The following FER variants were observed in gnomAD, a reference collection of about 807,000 sequenced individuals.
The protein encoded by FER is FER tyrosine kinase.
Under a neutral mutation model 111.0 loss-of-function variants are expected in FER, and 63 were observed. That is an observed-to-expected ratio of 0.57 (90% CI 0.46 to 0.70). The LOEUF is 0.70. Ranked by LOEUF, FER falls within the 30% of genes least tolerant of loss-of-function variation. FER has a pLI of 0.00. For missense variants in FER, 914 were observed against 954.0 expected (o/e 0.96, Z 0.55); for synonymous variants, 327 against 313.9 (o/e 1.04, Z -0.44).
At position 109,155,096 on chromosome 5, in the gene FER, A is replaced by G. The variant is rs138329079; in HGVS notation, c.2049-25651A>G. On this transcript the variant is annotated intron_variant, in intron 17 of 19. Coordinates refer to ENST00000281092, the MANE Select transcript of FER (RefSeq NM_005246.4). ...GAAGCTTTTTACTCCCTAGTTCAAA[A>G]GTAACATGTCACACATTCATATTCT... Among the ~76,000 whole-genome samples the G allele has an allele frequency of 1.9e-3, 283 of 152,036 alleles. 1 individual carries two copies. Among genetic ancestry groups the G allele is most frequent in the African/African-American group, 6.4e-3 (265 of 41,558 alleles).
rs551407618 is a variant in FER at position 109,139,276 on chromosome 5, C to T, written c.2048+38757C>T. Among the ~76,000 whole-genome samples, 193 of 152,034 alleles carry T rather than the reference C, an allele frequency of 1.3e-3. No homozygotes were observed. The Middle Eastern group carries it at 0.014, about 11-fold the overall frequency. On this transcript the variant is annotated intron_variant, in intron 17 of 19. Coordinates refer to ENST00000281092, the MANE Select transcript of FER (RefSeq NM_005246.4). The stretch of plus-strand genomic sequence containing the variant: ...TCCTGAGTCTGTCTTGCTGTCAACC[C>T]TGCAGAAGATTCCCACCCCCACCCT...
At chr5:108,936,584 C>T (rs961344028) in intron 10 of FER, among the ~76,000 whole-genome samples, 2 of 151,908 alleles carry the variant, frequency 1.3e-5, no homozygotes, top group African/African-American at 2.4e-5. Flanking sequence ...CAGACTAGAG[C>T]CTATTACATA....
At chr5:109,135,144 G>A (rs1752755007) in intron 17 of FER, among the ~76,000 whole-genome samples, 1 of 152,184 alleles carries the variant, frequency 6.6e-6, no homozygotes, top group African/African-American at 2.4e-5. Context: ...GGAACACAAA[G>A]TCAAGACAGG....
chr5:108,960,983 G>T (rs1759073925), intron 13 of FER, among the ~76,000 whole-genome samples: 1 of 152,162 alleles, frequency 6.6e-6, no homozygotes, highest in African/African-American at 2.4e-5. Context: ...AGCTACTTGG[G>T]GGGCTGAGAT....
At chr5:109,083,960 G>A (rs1777278770) in intron 16 of FER, among the ~76,000 whole-genome samples, 1 of 151,916 alleles carries the variant, frequency 6.6e-6, no homozygotes, top group African/African-American at 2.4e-5. Flanking sequence ...AAAATAATAG[G>A]CTAGCTTATT....
chr5:109,082,353 A>G (rs745848877), intron 16 of FER, among the ~76,000 whole-genome samples: 7 of 152,010 alleles, frequency 4.6e-5, no homozygotes, highest in African/African-American at 1.7e-4. Flanking sequence ...TCACCTGACA[A>G]ATGTCAAATG....
chr5:108,844,992 GTGTGTATATATA>G (rs1222668634), intron 5 of FER, among the ~76,000 whole-genome samples: 335 of 38,086 alleles, frequency 8.8e-3, no homozygotes, highest in South Asian at 0.014. Context: ...TGGTGTGTGT[GTGTGTATATATA>G]TATATATATA....
intron 16 of FER, among the ~76,000 whole-genome samples, chr5:109,065,467 G>T (rs1402215481): frequency 1.3e-5 from 2 of 152,076 alleles, no homozygotes; most frequent in East Asian, 3.8e-4. Flanking sequence ...CTTTTTAATT[G>T]TAAGTTAGCC....
In FER at chr5:109,192,142, G is replaced by A. The variant is rs1205799625; in HGVS notation, c.*4567G>A. Reference sequence around the variant, plus strand: ...AAAATCCTGGTGTGCTAGATTCTTAGTCACTTTAAACTGCATAGAAGTAAT... The same window carrying A: ...AAAATCCTGGTGTGCTAGATTCTTAATCACTTTAAACTGCATAGAAGTAAT... On this transcript the variant is annotated 3_prime_UTR_variant, in exon 20 of 20. Transcript: ENST00000281092. 6.6e-6 allele frequency: 1 copy of A among 152,174 alleles called. No homozygotes were observed. Among genetic ancestry groups the A allele is most frequent in the Non-Finnish European group, 1.5e-5 (1 of 68,034 alleles). The allele number at this position is 152,174 out of a possible 1,614,324, so 9.4% of individuals were successfully genotyped here. A position where few individuals can be genotyped will look rare whatever the true frequency, so the allele number is the denominator to read the frequency against.
At chr5:109,037,795 A>G (rs561047073) in intron 14 of FER, among the ~76,000 whole-genome samples, 9 of 152,138 alleles carry the variant, frequency 5.9e-5, no homozygotes, top group African/African-American at 2.2e-4. Flanking sequence ...TTGAAAAGAA[A>G]CAGTGAGATA....
At chr5:108,812,758 G>T (rs976514938) in intron 3 of FER, among the ~76,000 whole-genome samples, 2 of 151,916 alleles carry the variant, frequency 1.3e-5, no homozygotes, top group Non-Finnish European at 2.9e-5. Flanking sequence ...TTGCATTAAG[G>T]TCTATAGTAT....
chr5:109,142,601 A>G (rs1194277172), intron 17 of FER, among the ~76,000 whole-genome samples: 2 of 152,116 alleles, frequency 1.3e-5, no homozygotes, highest in African/African-American at 2.4e-5. Flanking sequence ...GCTAGGTACC[A>G]CGGATCCAAA....
chr5:108,770,305 G>T (rs541203711), intron 2 of FER, among the ~76,000 whole-genome samples: 2 of 152,060 alleles, frequency 1.3e-5, no homozygotes, highest in South Asian at 4.2e-4. Flanking sequence ...AGTCTTTCTG[G>T]AAGTAAAAAT....
intron 1 of FER, among the ~76,000 whole-genome samples, chr5:108,762,566 A>G (rs766529797): frequency 3.3e-5 from 5 of 152,212 alleles, no homozygotes; most frequent in Non-Finnish European, 5.9e-5. Context: ...GGTTTCCCAC[A>G]TAAAAGCTCA....
chr5:109,029,215 GCTTT>G (rs1401688637), intron 13 of FER, among the ~76,000 whole-genome samples: 2 of 143,590 alleles, frequency 1.4e-5, no homozygotes, highest in African/African-American at 5.1e-5. Flanking sequence ...GTCCTTTTAG[GCTTT>G]CTTTTTTTTT....
intron 5 of FER, among the ~76,000 whole-genome samples, chr5:108,864,591 C>G (rs906835618): frequency 1.3e-5 from 2 of 152,152 alleles, no homozygotes; most frequent in Non-Finnish European, 2.9e-5. Context: ...GCCAGTTTTC[C>G]CAGCACCATT....
At chr5:109,048,730 GC>G (rs1561824923) in intron 16 of FER, among the ~76,000 whole-genome samples, 1 of 152,038 alleles carries the variant, frequency 6.6e-6, no homozygotes, top group Non-Finnish European at 1.5e-5. Flanking sequence ...ATATCTCAAA[GC>G]TAATTGCTGC....
intron 12 of FER, among the ~76,000 whole-genome samples, chr5:108,956,145 T>C (rs1758399371): frequency 6.6e-6 from 1 of 151,734 alleles, no homozygotes; most frequent in African/African-American, 2.4e-5. Flanking sequence ...TTGGAAACTA[T>C]GTTGTTTCTA....
At chr5:108,902,246 T>C (rs538259381) in intron 10 of FER, among the ~76,000 whole-genome samples, 53 of 152,224 alleles carry the variant, frequency 3.5e-4, no homozygotes, top group Non-Finnish European at 1.2e-4. Flanking sequence ...TTGAGACCAT[T>C]ATAATTACAA....
Sources: allele counts gnomAD v4.1 joint callset (sites outside exome capture counted in the v4.1 genomes callset), GRCh38; gene constraint gnomAD v4.1.1; transcripts MANE v1.5; gene names NCBI Gene and HGNC (gene_info 2026-07-23, HGNC 2026-07-21).